Variants in AFAP1 observed in about 807,000 individuals in gnomAD.
AFAP1 encodes the protein actin filament-associated protein 1.
AFAP1 carries 75 observed loss-of-function variants against 93.9 expected under a neutral mutation model. The ratio of observed to expected loss-of-function variants is 0.80; its 90% confidence interval spans 0.66 to 0.97. The LOEUF is 0.97. Among genes scored for constraint, AFAP1 ranks in the 50% least tolerant of loss-of-function variants. The probability of loss-of-function intolerance (pLI) is 0.00; values close to 1 mark genes in which losing one functional copy is unlikely to be tolerated. For synonymous variants in AFAP1, 517 were observed against 430.7 expected, an observed-to-expected ratio of 1.20 and a Z score of -2.48; for missense variants, 1,201 against 1,050.8, an observed-to-expected ratio of 1.14 and a Z score of -1.98.
intron 1 of AFAP1, among the ~76,000 whole-genome samples, chr4:7,930,634 G>C (rs1034093980): frequency 1.3e-5 from 2 of 152,166 alleles, no homozygotes; most frequent in Non-Finnish European, 2.9e-5. Flanking sequence ...TGAAACCTAA[G>C]ACCAAATATT....
intron 4 of AFAP1, among the ~76,000 whole-genome samples, chr4:7,852,752 A>C (rs1489082254): frequency 6.6e-6 from 1 of 152,168 alleles, no homozygotes. Context: ...AACCTGTTAC[A>C]GGCTTTTCTT....
intron 3 of AFAP1, 60 bp from the exon 4 acceptor site, chr4:7,855,634 A>G: frequency 1.5e-6 from 2 of 1,350,360 alleles, no homozygotes; most frequent in Non-Finnish European, 2.1e-6. Context: ...GAAATTCTGG[A>G]TTTCCAATTA....
chr4:7,903,488 G>A (rs938118344), intron 1 of AFAP1, among the ~76,000 whole-genome samples: 3 of 152,272 alleles, frequency 2.0e-5, no homozygotes, highest in East Asian at 1.9e-4. Flanking sequence ...AAGATCAGCC[G>A]ACCAACACGG....
At chr4:7,770,530 G>A (rs184791329) in intron 16 of AFAP1, among the ~76,000 whole-genome samples, 12 of 152,188 alleles carry the variant, frequency 7.9e-5, no homozygotes, top group Non-Finnish European at 1.8e-4. Flanking sequence ...GGAAAGGCAA[G>A]AACGCAGGGC....
intron 1 of AFAP1, among the ~76,000 whole-genome samples, chr4:7,877,262 G>A (rs771689417): frequency 3.3e-5 from 5 of 152,226 alleles, no homozygotes; most frequent in Non-Finnish European, 7.3e-5. Context: ...CACAGGAAGA[G>A]AATGACCATT....
chr4:7,926,056 G>T (rs1471920625), intron 1 of AFAP1, among the ~76,000 whole-genome samples: 1 of 152,160 alleles, frequency 6.6e-6, no homozygotes, highest in African/African-American at 2.4e-5. Context: ...AGGGAGAAGC[G>T]CAAAATGTCG....
chr4:7,855,729 A>T (rs1379739999), intron 3 of AFAP1, among the ~76,000 whole-genome samples, 155 bp from the exon 4 acceptor site: 3 of 152,254 alleles, frequency 2.0e-5, no homozygotes, highest in African/African-American at 7.2e-5. Context: ...TTGGAAGGCC[A>T]GCCCTGATGT....
chr4:7,801,297 G>T (rs1012576446), intron 9 of AFAP1, among the ~76,000 whole-genome samples: 1 of 152,160 alleles, frequency 6.6e-6, no homozygotes, highest in Non-Finnish European at 1.5e-5. Context: ...GGGTGAAGCT[G>T]CCCGGAGGAA....
rs1356170471 is a variant in AFAP1, at chr4:7,759,198, TC to T, written c.*4566del. The T allele has an allele frequency of 2.0e-5, 3 of 152,796 alleles. No individual in the cohort carries two copies. Among genetic ancestry groups the T allele is most frequent in the South Asian group, 2.1e-4 (1 of 4,832 alleles). 9.5% of individuals were successfully genotyped at this position (152,796 alleles called of 1,614,324 possible). A position where few individuals can be genotyped will look rare whatever the true frequency, so the allele number is the denominator to read the frequency against. On this transcript the variant is annotated 3_prime_UTR_variant, in exon 18 of 18. Transcript: ENST00000420658. ...TTGTTAGAAAATCAAAAAGATTATC[TC>T]ATTAAAAACACCTTTGGTCCTAAGA...
chr4:7,876,852 G>C (rs900537565), intron 1 of AFAP1, among the ~76,000 whole-genome samples: 1 of 152,190 alleles, frequency 6.6e-6, no homozygotes, highest in African/African-American at 2.4e-5. Flanking sequence ...TACTCCCATA[G>C]CAGACAGTTG....
intron 1 of AFAP1, among the ~76,000 whole-genome samples, chr4:7,906,657 A>C (rs1389693761): frequency 1.3e-5 from 2 of 152,234 alleles, no homozygotes; most frequent in African/African-American, 4.8e-5. Context: ...CCAAACTCAC[A>C]GCACAGCTAA....
chr4:7,918,688 A>C (rs1720244310), intron 1 of AFAP1, among the ~76,000 whole-genome samples: 1 of 122,326 alleles, frequency 8.2e-6, no homozygotes, highest in Non-Finnish European at 1.6e-5. Flanking sequence ...TGCGGATAAG[A>C]CACTCGGCCC....
At chr4:7,768,816 C>G in intron 17 of AFAP1, 28 bp downstream of exon 17, 3 of 1,542,424 alleles carry the variant, frequency 1.9e-6, no homozygotes, top group Non-Finnish European at 2.6e-6. Flanking sequence ...CCCAGGACAC[C>G]CAGACACCCC....
At chr4:7,790,536 G>A (rs1040083789) in intron 11 of AFAP1, among the ~76,000 whole-genome samples, 21 of 152,266 alleles carry the variant, frequency 1.4e-4, no homozygotes, top group African/African-American at 3.9e-4. Context: ...ACATGTGGAC[G>A]TAGGATAGGT....
rs544818382 is a variant in AFAP1, at chr4:7,806,533, C to G, written c.1054+3081G>C. On this transcript the variant is annotated intron_variant, in intron 9 of 17. Transcript: ENST00000420658. ...TTCCGGCCAGTCCAGCTCGGCCCTTCATCTCCCTGGAACAGAGAGCAGCAG... is the reference window on the plus strand; with the variant it reads ...TTCCGGCCAGTCCAGCTCGGCCCTTGATCTCCCTGGAACAGAGAGCAGCAG... Among the ~76,000 whole-genome samples, 3 of 152,336 alleles carry G rather than the reference C, an allele frequency of 2.0e-5. No individual in the cohort carries two copies. The South Asian group carries it at 6.2e-4, about 32-fold the overall frequency.
At chr4:7,850,610 G>A (rs555904556) in intron 4 of AFAP1, among the ~76,000 whole-genome samples, 19 of 152,354 alleles carry the variant, frequency 1.2e-4, no homozygotes, top group African/African-American at 2.2e-4. Context: ...GAGGAACCTG[G>A]AAGGAGAGAA....
At chr4:7,781,675 G>A in intron 12 of AFAP1, 48 bp from the exon 13 acceptor site, 2 of 1,542,894 alleles carry the variant, frequency 1.3e-6, no homozygotes, top group Non-Finnish European at 1.8e-6. Flanking sequence ...ACAGGAAACA[G>A]CAGCTTTTAG....
chr4:7,839,350 A>G (rs1430486971), intron 5 of AFAP1, among the ~76,000 whole-genome samples: 1 of 127,556 alleles, frequency 7.8e-6, no homozygotes, highest in Non-Finnish European at 1.6e-5. Context: ...AAAGAAAAAC[A>G]AAACAAAACA....
At chr4:7,927,433 T>G (rs1039644037) in intron 1 of AFAP1, among the ~76,000 whole-genome samples, 2 of 152,332 alleles carry the variant, frequency 1.3e-5, no homozygotes, top group East Asian at 3.9e-4. Context: ...CTCTAAAAAT[T>G]AAGTGAATTA....
Sources: allele counts gnomAD v4.1 joint callset (sites outside exome capture counted in the v4.1 genomes callset), GRCh38; gene constraint gnomAD v4.1.1; transcripts MANE v1.5; gene names NCBI Gene and HGNC (gene_info 2026-07-23, HGNC 2026-07-21).